The following ST8SIA2 variants were observed in gnomAD, a reference collection of about 807,000 sequenced individuals.
ST8SIA2 encodes alpha-2,8-sialyltransferase 8B.
A neutral mutation model predicts 37.6 loss-of-function variants in ST8SIA2; 22 were observed. The observed-to-expected ratio is 0.58, with a 90% CI of 0.42 to 0.83. The LOEUF (loss-of-function observed/expected upper bound fraction) is 0.83. Ranked by LOEUF, ST8SIA2 falls within the 40% of genes least tolerant of loss-of-function variation. ST8SIA2 has a pLI of 0.00. For synonymous variants in ST8SIA2, 205 were observed against 201.2 expected (o/e 1.02, Z -0.16); for missense variants, 382 against 484.7 (o/e 0.79, Z 1.99).
chr15:92,396,316 G>T (rs1361109238), intron 1 of ST8SIA2, among the ~76,000 whole-genome samples: 2 of 152,118 alleles, frequency 1.3e-5, no homozygotes, highest in Non-Finnish European at 2.9e-5. Context: ...CCCCACCCAC[G>T]GTCAGCCCCA....
At chr15:92,424,352 A>C (rs2049658979) in intron 1 of ST8SIA2, among the ~76,000 whole-genome samples, 1 of 152,202 alleles carries the variant, frequency 6.6e-6, no homozygotes, top group African/African-American at 2.4e-5. Context: ...TGTACCCCAT[A>C]AATATACACA....
intron 4 of ST8SIA2, among the ~76,000 whole-genome samples, chr15:92,440,391 A>G (rs2049792728): frequency 6.6e-6 from 1 of 152,120 alleles, no homozygotes. Context: ...ATTTCTAACA[A>G]GCACCCCAGG....
chr15:92,427,552 T>C (rs2049685946), intron 1 of ST8SIA2, among the ~76,000 whole-genome samples: 1 of 152,330 alleles, frequency 6.6e-6, no homozygotes, highest in African/African-American at 2.4e-5. Context: ...ACATTTTTTT[T>C]TGTAATTTCT....
chr15:92,441,154 G>A lies in ST8SIA2; in HGVS notation c.548+2544G>A, dbSNP rs144726682. ...CTCTGTGGGAGAAACACAAAGACACGCAAGACCTCACCCCCTCTCAGAAAA... is the reference window on the plus strand; with the variant it reads ...CTCTGTGGGAGAAACACAAAGACACACAAGACCTCACCCCCTCTCAGAAAA... On this transcript the variant is annotated intron_variant, in intron 4 of 5. Transcript: ENST00000268164. Among the ~76,000 whole-genome samples the A allele has an allele frequency of 1.1e-3, 161 of 152,288 alleles. 1 individual carries two copies. The highest frequency in any genetic ancestry group is 3.7e-3 in the African/African-American group (152 of 41,564).
Position 92,464,268 on chromosome 15 carries a change from T to C in ST8SIA2, c.1011T>C (p.Tyr337=), listed in dbSNP as rs1421115525. The part of the protein sequence containing the change: ...VKYHYYDSLK[Y]GYTSQASPHT... Reference sequence around the variant, plus strand: ...ACCACTATTATGACAGCCTCAAGTATGGCTACACCTCCCAGGCCAGCCCGC... The same window carrying C: ...ACCACTATTATGACAGCCTCAAGTACGGCTACACCTCCCAGGCCAGCCCGC... Residue 337 remains tyrosine, a synonymous_variant, in exon 6 of 6, where the codon TAT becomes TAC. Transcript: ENST00000268164. 6.2e-7 allele frequency: 1 copy of C among 1,613,880 alleles called. No homozygotes were observed. Among genetic ancestry groups the C allele is most frequent in the Non-Finnish European group, 8.5e-7 (1 of 1,180,012 alleles).
intron 1 of ST8SIA2, among the ~76,000 whole-genome samples, chr15:92,413,163 C>T (rs577663172): frequency 2.6e-5 from 4 of 152,224 alleles, no homozygotes; most frequent in East Asian, 1.9e-4. Context: ...GCTCAGTGCC[C>T]GTTGCAGAGT....
intron 1 of ST8SIA2, among the ~76,000 whole-genome samples, chr15:92,427,351 T>C (rs2049684472): frequency 6.6e-6 from 1 of 151,864 alleles, no homozygotes; most frequent in Non-Finnish European, 1.5e-5. Flanking sequence ...TATATCTAGC[T>C]TGGCCAAAGC....
intron 1 of ST8SIA2, among the ~76,000 whole-genome samples, chr15:92,421,674 C>T (rs1344680178): frequency 2.0e-5 from 3 of 152,142 alleles, no homozygotes; most frequent in East Asian, 1.9e-4. Flanking sequence ...GTGTTAGCTC[C>T]GAGCTTACTC....
At chr15:92,461,415 C>T (rs560599137) in intron 5 of ST8SIA2, among the ~76,000 whole-genome samples, 10 of 152,292 alleles carry the variant, frequency 6.6e-5, no homozygotes, top group East Asian at 3.9e-4. Flanking sequence ...CTTCTTCAGC[C>T]GTCATGAGCC....
intron 1 of ST8SIA2, among the ~76,000 whole-genome samples, chr15:92,425,315 T>A (rs2049667532): frequency 6.6e-6 from 1 of 152,216 alleles, no homozygotes; most frequent in Admixed American, 6.5e-5. Context: ...TATGAACAAC[T>A]GAGAGGTGAA....
intron 1 of ST8SIA2, among the ~76,000 whole-genome samples, chr15:92,416,961 T>G (rs567901318): frequency 3.6e-4 from 55 of 152,370 alleles, no homozygotes; most frequent in Non-Finnish European, 7.1e-4. Flanking sequence ...GACTGCACTC[T>G]TCAAAACCAA....
intron 5 of ST8SIA2, among the ~76,000 whole-genome samples, chr15:92,448,364 C>T (rs1306601155): frequency 6.6e-6 from 1 of 152,170 alleles, no homozygotes; most frequent in Non-Finnish European, 1.5e-5. Context: ...GTTCATTAGC[C>T]CTTGCCTTGG....
rs28516751 is a variant in ST8SIA2, at chr15:92,396,546, T to A, written c.98+2384T>A. On this transcript the variant is annotated intron_variant, in intron 1 of 5. Transcript: ENST00000268164. ...TCTCATTCTGTCGCCCAGGATGGAG[T>A]GCAGTGGCACAATCTCGGCTCACTG... 1.1e-3 allele frequency among the ~76,000 whole-genome samples: 169 copies of A among 151,864 alleles called. 2 individuals are homozygous for A. Among genetic ancestry groups the A allele is most frequent in the African/African-American group, 3.8e-3 (156 of 41,380 alleles).
At chr15:92,421,752 G>C (rs2049636169) in intron 1 of ST8SIA2, among the ~76,000 whole-genome samples, 1 of 152,212 alleles carries the variant, frequency 6.6e-6, no homozygotes, top group Non-Finnish European at 1.5e-5. Flanking sequence ...TTCCTAAAGA[G>C]AGATTCAGGT....
chr15:92,433,567 A>G (rs2141830451), intron 2 of ST8SIA2, among the ~76,000 whole-genome samples: 1 of 152,328 alleles, frequency 6.6e-6, no homozygotes, highest in South Asian at 2.1e-4. Flanking sequence ...CAGTTCTTTC[A>G]TTCACTCCAG....
At chr15:92,409,706 T>A (rs1411743350) in intron 1 of ST8SIA2, among the ~76,000 whole-genome samples, 1 of 152,244 alleles carries the variant, frequency 6.6e-6, no homozygotes, top group Non-Finnish European at 1.5e-5. Context: ...AAAGCCAATC[T>A]GCTCCTGATT....
At chr15:92,441,037 T>C (rs1035255558) in intron 4 of ST8SIA2, among the ~76,000 whole-genome samples, 10 of 152,174 alleles carry the variant, frequency 6.6e-5, no homozygotes, top group African/African-American at 2.2e-4. Context: ...AGGGCCTCCA[T>C]GTGGCTTTAC....
Position 92,464,288 on chromosome 15 carries a change from GC to G in ST8SIA2, c.1034del (p.Pro345ArgfsTer20), listed in dbSNP as rs1382921238. 1 of 1,613,832 alleles carries G rather than the reference GC, an allele frequency of 6.2e-7. No individual in the cohort carries two copies. The highest frequency in any genetic ancestry group is 8.5e-7 in the Non-Finnish European group (1 of 1,180,010). Reference protein sequence around the residue: ...SLKYGYTSQASPHTMPLEFKA... With the variant: ...SLKYGYTSQAXPHTMPLEFKA... ...AAGTATGGCTACACCTCCCAGGCCA[GC>G]CCGCATACCATGCCCTTGGAGTTTA... On this transcript the variant is annotated frameshift_variant, in exon 6 of 6. Transcript: ENST00000268164. LOFTEE classifies it high-confidence loss of function.
intron 1 of ST8SIA2, among the ~76,000 whole-genome samples, chr15:92,396,905 C>T (rs980370965): frequency 6.6e-6 from 1 of 152,218 alleles, no homozygotes; most frequent in Non-Finnish European, 1.5e-5. Context: ...AAGAGGGCTC[C>T]GCCTTCCTCA....
Sources: gnomAD v4.1 joint callset for allele counts (sites outside exome capture counted in the v4.1 genomes callset) on GRCh38, gnomAD v4.1.1 for gene constraint, MANE v1.5 for transcripts, NCBI Gene and HGNC (gene_info 2026-07-23, HGNC 2026-07-21) for gene names.